The following LEPROTL1 variants were observed in gnomAD, a reference collection of about 807,000 sequenced individuals.
LEPROTL1 encodes leptin receptor overlapping transcript-like 1.
In LEPROTL1, 6 loss-of-function variants were observed where a neutral mutation model predicts 15.4. The observed-to-expected ratio is 0.39, with a 90% CI of 0.21 to 0.77. The LOEUF (loss-of-function observed/expected upper bound fraction) is 0.77, where lower values mean the gene tolerates loss of function less well. Ranked by LOEUF, LEPROTL1 falls within the 30% of genes least tolerant of loss-of-function variation. The pLI is 0.41. For missense variants in LEPROTL1, 128 were observed against 158.1 expected (o/e 0.81, Z 1.02); for synonymous variants, 56 against 52.6 (o/e 1.06, Z -0.28).
chr8:30,097,607 G>A (rs1315314197), intron 1 of LEPROTL1, among the ~76,000 whole-genome samples: 1 of 149,714 alleles, frequency 6.7e-6, no homozygotes, highest in African/African-American at 2.5e-5. Context: ...GGGAGGCAGA[G>A]GTTGCAGTGA....
rs568672062 is a variant in LEPROTL1 at position 30,119,086 on chromosome 8, A to G, written c.280-13289A>G. ...CAGCTTTCCAGGGCAGAGGTCCCTT[A>G]GGCTTTCCGCAGTGCATTGTGCCCC... On this transcript the variant is annotated intron_variant, in intron 3 of 4. Transcript: ENST00000442880. 5.3e-5 allele frequency among the ~76,000 whole-genome samples: 8 copies of G among 152,314 alleles called. No individual in the cohort carries two copies. In the South Asian group the frequency reaches 1.5e-3, roughly 28 times the overall value.
intron 2 of LEPROTL1, among the ~76,000 whole-genome samples, chr8:30,103,613 C>T (rs1048532388): frequency 2.0e-5 from 3 of 151,738 alleles, no homozygotes; most frequent in East Asian, 3.9e-4. Context: ...TGGTGGTGCA[C>T]GCCTGTAATC....
At chr8:30,120,416 G>A (rs1468533643) in intron 3 of LEPROTL1, among the ~76,000 whole-genome samples, 1 of 152,076 alleles carries the variant, frequency 6.6e-6, no homozygotes, top group Non-Finnish European at 1.5e-5. Flanking sequence ...AATATAAAGA[G>A]GGCAAAATGT....
chr8:30,123,823 G>C (rs553274916), intron 3 of LEPROTL1, among the ~76,000 whole-genome samples: 5 of 152,310 alleles, frequency 3.3e-5, no homozygotes, highest in Admixed American at 6.5e-5. Flanking sequence ...GCATGGGAAT[G>C]GGATTTATTT....
chr8:30,132,308 G>A lies in LEPROTL1; in HGVS notation c.280-67G>A, dbSNP rs375639989. 6.6e-5 allele frequency: 103 copies of A among 1,551,744 alleles called. 1 individual carries two copies. The Middle Eastern group carries it at 1.3e-3, about 20-fold the overall frequency. On this transcript the variant is annotated intron_variant, in intron 3 of 4. Coordinates refer to the LEPROTL1 transcript ENST00000442880. ...CTGCTGTGCTGGAATACAAGCCGTC[G>A]GAGCCATCGAGCTGTGCTTTGGTTC... is the stretch of plus-strand genomic sequence containing the variant.
chr8:30,097,671 C>CAAAAA (rs72163652), intron 1 of LEPROTL1, among the ~76,000 whole-genome samples: 1,876 of 28,786 alleles, frequency 0.065, 68 homozygotes, highest in South Asian at 0.13. Flanking sequence ...GACTCTGTCT[C>CAAAAA]AAAAAAAAAA....
At chr8:30,097,808 T>C (rs1426466518) in intron 1 of LEPROTL1, among the ~76,000 whole-genome samples, 2 of 151,904 alleles carry the variant, frequency 1.3e-5, no homozygotes, top group Non-Finnish European at 2.9e-5. Flanking sequence ...GTATTCATAT[T>C]CATAGCACTT....
Position 30,108,078 on chromosome 8 carries a change from G to A in LEPROTL1, c.*2216G>A. 4 of 819,208 alleles carry A rather than the reference G, an allele frequency of 4.9e-6. No homozygotes were observed. Among genetic ancestry groups the A allele is most frequent in the Non-Finnish European group, 5.9e-6 (4 of 678,628 alleles). The allele number at this position is 819,208 out of a possible 1,614,324, so 50.7% of individuals were successfully genotyped here. A position where few individuals can be genotyped will look rare whatever the true frequency, so the allele number is the denominator to read the frequency against. ...ATTTTAAATATCTATTTTAGTTTGT[G>A]GGTGTTTTTGAAATGAAAATATATG... On this transcript the variant is annotated 3_prime_UTR_variant, in exon 4 of 4. Transcript: ENST00000321250.
chr8:30,125,889 G>A (rs1802897576), intron 3 of LEPROTL1, among the ~76,000 whole-genome samples: 1 of 152,172 alleles, frequency 6.6e-6, no homozygotes, highest in Non-Finnish European at 1.5e-5. Flanking sequence ...CCTTTGAAAT[G>A]TTTCGGAAAT....
intron 3 of LEPROTL1, among the ~76,000 whole-genome samples, chr8:30,127,668 C>CA (rs5890499): frequency 0.023 from 2,214 of 97,834 alleles, 74 homozygotes; most frequent in African/African-American, 0.08. Context: ...GACCCTGTCT[C>CA]AAAAAAAAAA....
intron 3 of LEPROTL1, among the ~76,000 whole-genome samples, chr8:30,116,534 G>T (rs1802743132): frequency 6.6e-6 from 1 of 152,104 alleles, no homozygotes; most frequent in African/African-American, 2.4e-5. Flanking sequence ...CTAACAGGAG[G>T]TGGAGCTCAG....
At chr8:30,101,817 A>G (rs1400388114) in intron 1 of LEPROTL1, 81 bp from the exon 2 acceptor site, 1 of 827,672 alleles carries the variant, frequency 1.2e-6, no homozygotes, top group Non-Finnish European at 1.9e-6. Context: ...TTCTGAGGTT[A>G]CAGATAATGT....
intron 3 of LEPROTL1, among the ~76,000 whole-genome samples, chr8:30,122,808 G>A (rs1239351975): frequency 2.6e-5 from 4 of 152,104 alleles, no homozygotes; most frequent in Non-Finnish European, 4.4e-5. Flanking sequence ...AAAACTTTTG[G>A]GAGTTTAATT....
chr8:30,115,030 G>A (rs1802714720), intron 3 of LEPROTL1, among the ~76,000 whole-genome samples: 2 of 152,036 alleles, frequency 1.3e-5, no homozygotes, highest in African/African-American at 2.4e-5. Flanking sequence ...TTTCTCTCCT[G>A]CTCCTGAAAC....
downstream of LEPROTL1, among the ~76,000 whole-genome samples, chr8:30,113,472 G>A (rs541801082): frequency 3.3e-5 from 5 of 152,314 alleles, no homozygotes; most frequent in South Asian, 2.1e-4. Context: ...CCCTGCCAAA[G>A]AGCCTGTCAT....
At chr8:30,135,729 C>G (rs1054490119) in intron 4 of LEPROTL1, among the ~76,000 whole-genome samples, 1 of 151,962 alleles carries the variant, frequency 6.6e-6, no homozygotes, top group African/African-American at 2.4e-5. Context: ...GCCTGGGCAA[C>G]ATGGCAAAAC....
intron 1 of LEPROTL1, chr8:30,096,491 C>A: frequency 1.9e-6 from 1 of 515,890 alleles, no homozygotes; most frequent in Non-Finnish European, 2.5e-6. Context: ...AGTTTTTTTT[C>A]AGGGTCACAG....
intron 1 of LEPROTL1, among the ~76,000 whole-genome samples, chr8:30,098,062 C>T (rs538309481): frequency 6.6e-6 from 1 of 152,080 alleles, no homozygotes; most frequent in Non-Finnish European, 1.5e-5. Context: ...GCGGAGATTA[C>T]CGTGAACATG....
At chr8:30,108,976 G>A (rs1327760968), downstream of LEPROTL1, among the ~76,000 whole-genome samples, 3 of 151,672 alleles carry the variant, frequency 2.0e-5, no homozygotes, top group African/African-American at 4.9e-5. Flanking sequence ...TGTTGGCCAC[G>A]CTGGTCTCAA....
Sources: allele counts gnomAD v4.1 joint callset (sites outside exome capture counted in the v4.1 genomes callset), GRCh38; gene constraint gnomAD v4.1.1; transcripts MANE v1.5; gene names NCBI Gene and HGNC (gene_info 2026-07-23, HGNC 2026-07-21).